The following RORA variants were observed in gnomAD, a reference collection of about 807,000 sequenced individuals.
The protein encoded by RORA is nuclear receptor ROR-alpha.
Under a neutral mutation model 69.5 loss-of-function variants are expected in RORA, and 7 were observed. That is an observed-to-expected ratio of 0.10 (90% CI 0.06 to 0.19). The LOEUF (loss-of-function observed/expected upper bound fraction) is 0.19. RORA is among the 10% of genes least tolerant of loss of function. The probability of loss-of-function intolerance (pLI) is 1.00; values close to 1 mark genes in which losing one functional copy is unlikely to be tolerated. For missense variants in RORA, 457 were observed against 663.0 expected (o/e 0.69, Z 3.41); for synonymous variants, 261 against 240.8 (o/e 1.08, Z -0.78).
chr15:60,622,533 GC>G (rs2069443140), intron 2 of RORA, among the ~76,000 whole-genome samples: 1 of 151,926 alleles, frequency 6.6e-6, no homozygotes, highest in South Asian at 2.1e-4. Flanking sequence ...AACCACCTGA[GC>G]CTGGGAGGTG....
chr15:60,625,564 A>T (rs971853031), intron 2 of RORA, among the ~76,000 whole-genome samples: 1 of 152,248 alleles, frequency 6.6e-6, no homozygotes, highest in African/African-American at 2.4e-5. Flanking sequence ...TTAAAAATTT[A>T]TTAGGGGATT....
intron 1 of RORA, among the ~76,000 whole-genome samples, chr15:61,000,176 A>T (rs989236589): frequency 1.3e-5 from 2 of 152,212 alleles, no homozygotes; most frequent in African/African-American, 4.8e-5. Context: ...TCTTTTGGAA[A>T]ATACAGTTGA....
chr15:60,581,250 C>T (rs908157449), intron 2 of RORA, among the ~76,000 whole-genome samples: 1 of 152,186 alleles, frequency 6.6e-6, no homozygotes, highest in Non-Finnish European at 1.5e-5. Flanking sequence ...GTAACAGCAG[C>T]AGGGGGCTTA....
At chr15:61,127,836 G>A (rs1156444670) in intron 1 of RORA, among the ~76,000 whole-genome samples, 2 of 152,174 alleles carry the variant, frequency 1.3e-5, no homozygotes, top group Admixed American at 1.3e-4. Context: ...CGGTGAGGGT[G>A]CAGTACCTGG....
At chr15:60,840,126 G>C (rs2073176351) in intron 1 of RORA, among the ~76,000 whole-genome samples, 1 of 152,136 alleles carries the variant, frequency 6.6e-6, no homozygotes, top group African/African-American at 2.4e-5. Flanking sequence ...GAAGAGACCT[G>C]GGTCTGCAGC....
chr15:61,134,116 G>A (rs1458223969), intron 1 of RORA, among the ~76,000 whole-genome samples: 2 of 152,144 alleles, frequency 1.3e-5, no homozygotes, highest in African/African-American at 2.4e-5. Flanking sequence ...TGTTATTTGG[G>A]ACTCAGGATG....
intron 2 of RORA, among the ~76,000 whole-genome samples, chr15:60,640,588 T>C (rs1475399388): frequency 6.6e-6 from 1 of 152,196 alleles, no homozygotes; most frequent in Non-Finnish European, 1.5e-5. Flanking sequence ...CCGCTTTCCT[T>C]TTAGACTCCA....
intron 1 of RORA, among the ~76,000 whole-genome samples, chr15:60,772,025 G>T (rs1206101838): frequency 6.6e-6 from 1 of 152,104 alleles, no homozygotes; most frequent in Non-Finnish European, 1.5e-5. Flanking sequence ...TGGCTGACAA[G>T]GTGGGATTTT....
intron 2 of RORA, among the ~76,000 whole-genome samples, chr15:60,561,998 C>T (rs1369089284): frequency 6.6e-6 from 1 of 151,856 alleles, no homozygotes; most frequent in African/African-American, 2.4e-5. Flanking sequence ...GGCTGGAGTA[C>T]AGTGGCGCGA....
At chr15:61,057,914 C>T (rs2078117754) in intron 1 of RORA, among the ~76,000 whole-genome samples, 2 of 152,194 alleles carry the variant, frequency 1.3e-5, no homozygotes, top group African/African-American at 4.8e-5. Context: ...GAAGGACAGG[C>T]ATTTAGACCT....
chr15:60,710,537 T>C (rs2071128779), intron 1 of RORA, among the ~76,000 whole-genome samples: 1 of 152,104 alleles, frequency 6.6e-6, no homozygotes, highest in Non-Finnish European at 1.5e-5. Flanking sequence ...GAACAGACAA[T>C]GCTGCCACTG....
intron 2 of RORA, among the ~76,000 whole-genome samples, chr15:60,538,204 G>C (rs927112324): frequency 2.6e-5 from 4 of 152,120 alleles, no homozygotes; most frequent in African/African-American, 9.7e-5. Flanking sequence ...GCTCTCAAGA[G>C]GACATGACAC....
chr15:60,716,060 A>G (rs931713793), intron 1 of RORA, among the ~76,000 whole-genome samples: 1 of 151,920 alleles, frequency 6.6e-6, no homozygotes, highest in Non-Finnish European at 1.5e-5. Flanking sequence ...GTGCATACGA[A>G]TTGCCTGGAG....
chr15:61,131,509 A>C lies in RORA; in HGVS notation c.166+97544T>G, dbSNP rs892938344. ...CTGAGGACTTCCTGGGGAAAGACTG[A>C]GGGAAATTATAGGGGACTTTGGCCA... is the stretch of plus-strand genomic sequence containing the variant. On this transcript the variant is annotated intron_variant, in intron 1 of 10. Transcript: ENST00000335670. This position sits in a 1 kb window ranked among gnomAD's most constrained non-coding sequence, Gnocchi z 4.2. Among the ~76,000 whole-genome samples, 1 of 152,160 alleles carries C rather than the reference A, an allele frequency of 6.6e-6. No homozygotes were observed. Among genetic ancestry groups the C allele is most frequent in the African/African-American group, 2.4e-5 (1 of 41,436 alleles).
At chr15:60,797,690 A>G (rs1381284347) in intron 1 of RORA, among the ~76,000 whole-genome samples, 3 of 152,184 alleles carry the variant, frequency 2.0e-5, no homozygotes, top group Non-Finnish European at 2.9e-5. Flanking sequence ...GGTGTCATTT[A>G]TAAAGTAGTG....
chr15:60,945,092 G>GT (rs1486250927), intron 1 of RORA, among the ~76,000 whole-genome samples: 1 of 152,144 alleles, frequency 6.6e-6, no homozygotes, highest in African/African-American at 2.4e-5. Flanking sequence ...GAAGGCTATA[G>GT]TTTAATATAC....
At chr15:60,747,342 C>A (rs137974562) in intron 1 of RORA, among the ~76,000 whole-genome samples, 1 of 152,180 alleles carries the variant, frequency 6.6e-6, no homozygotes, top group Non-Finnish European at 1.5e-5. Flanking sequence ...AGTATGAGAA[C>A]ACTGCCTGAG....
chr15:61,112,913 C>G (rs1173003574), intron 1 of RORA, among the ~76,000 whole-genome samples: 1 of 152,242 alleles, frequency 6.6e-6, no homozygotes, highest in Non-Finnish European at 1.5e-5. Context: ...GGGCCTGAGT[C>G]AGGCTTGTCA....
At chr15:60,728,338 C>T (rs756653743) in intron 1 of RORA, among the ~76,000 whole-genome samples, 1 of 152,086 alleles carries the variant, frequency 6.6e-6, no homozygotes, top group Non-Finnish European at 1.5e-5. Context: ...CTGCAATATA[C>T]CCATCCTCCC....
Sources: gnomAD v4.1 joint callset for allele counts (sites outside exome capture counted in the v4.1 genomes callset) on GRCh38, gnomAD v4.1.1 for gene constraint, Gnocchi (gnomAD v3.1) non-coding constraint, MANE v1.5 for transcripts, NCBI Gene and HGNC (gene_info 2026-07-23, HGNC 2026-07-21) for gene names.